NELL1: variants seen among roughly 807,000 people sequenced by gnomAD.
NELL1 encodes the protein protein kinase C-binding protein NELL1.
A neutral mutation model predicts 107.4 loss-of-function variants in NELL1; 76 were observed. That is an observed-to-expected ratio of 0.71 (90% CI 0.59 to 0.86). The LOEUF (loss-of-function observed/expected upper bound fraction) is 0.86. NELL1 is among the 40% of genes least tolerant of loss of function. NELL1 has a pLI of 0.00. For missense variants in NELL1, 1,024 were observed against 1,005.5 expected (o/e 1.02, Z -0.25); for synonymous variants, 353 against 341.2 (o/e 1.03, Z -0.38).
At chr11:21,253,138 T>C (rs1858681777) in intron 14 of NELL1, among the ~76,000 whole-genome samples, 1 of 152,104 alleles carries the variant, frequency 6.6e-6, no homozygotes, top group African/African-American at 2.4e-5. Flanking sequence ...TTAGGGATCA[T>C]CTCTCCTATT....
chr11:21,278,235 A>G (rs1848915241), intron 14 of NELL1, among the ~76,000 whole-genome samples: 1 of 152,210 alleles, frequency 6.6e-6, no homozygotes, highest in Non-Finnish European at 1.5e-5. Context: ...GAAGAAGGCA[A>G]GTATATCCCC....
intron 14 of NELL1, among the ~76,000 whole-genome samples, chr11:21,355,920 G>C (rs1020069431): frequency 2.0e-5 from 3 of 151,980 alleles, no homozygotes; most frequent in African/African-American, 7.2e-5. Context: ...TCATTCCTTG[G>C]GGCCTTTGCA....
intron 2 of NELL1, among the ~76,000 whole-genome samples, chr11:20,731,113 A>G (rs1286004468): frequency 6.6e-6 from 1 of 152,106 alleles, no homozygotes; most frequent in Non-Finnish European, 1.5e-5. Flanking sequence ...CAGCTCCAAA[A>G]GGGGCATTTG....
At chr11:21,284,520 C>T (rs1278623244) in intron 14 of NELL1, 8 of 459,494 alleles carry the variant, frequency 1.7e-5, no homozygotes, top group Non-Finnish European at 3.5e-5. Context: ...CCGCTATCCT[C>T]AGCTCACCTT....
At chr11:20,878,089 G>A (rs576941760) in intron 4 of NELL1, among the ~76,000 whole-genome samples, 22 of 152,156 alleles carry the variant, frequency 1.4e-4, no homozygotes, top group African/African-American at 4.1e-4. Context: ...GGCCGGGCGC[G>A]GTGGCTCACA....
In NELL1 at chr11:21,163,658, G is replaced by A. The variant is rs1016170664; in HGVS notation, c.1426+49944G>A. On this transcript the variant is annotated intron_variant, in intron 13 of 19. Coordinates refer to ENST00000357134, the MANE Select transcript of NELL1 (RefSeq NM_006157.5). Reference sequence around the variant, plus strand: ...AAATTTATTTCTCATAGTTCTGGGGGTCAGGAAGTCCATGATAAAGCTGCC... The same window carrying A: ...AAATTTATTTCTCATAGTTCTGGGGATCAGGAAGTCCATGATAAAGCTGCC... Among the ~76,000 whole-genome samples, 9 of 152,258 alleles carry A rather than the reference G, an allele frequency of 5.9e-5. No individual in the cohort carries two copies. The East Asian group carries it at 1.5e-3, about 26-fold the overall frequency.
chr11:21,447,880 G>A (rs1853474668), intron 15 of NELL1, among the ~76,000 whole-genome samples: 1 of 152,144 alleles, frequency 6.6e-6, no homozygotes, highest in Non-Finnish European at 1.5e-5. Context: ...ACTGTAGCCT[G>A]CAGTGCCAGT....
intron 2 of NELL1, among the ~76,000 whole-genome samples, chr11:20,748,915 TCCA>T (rs1564891836): frequency 2.4e-5 from 3 of 123,862 alleles, no homozygotes; most frequent in Non-Finnish European, 5.2e-5. Flanking sequence ...CAGCCACCCA[TCCA>T]TCCATCCATC....
intron 14 of NELL1, among the ~76,000 whole-genome samples, chr11:21,326,083 G>GTTTTT (rs1850132086): frequency 1.5e-4 from 1 of 6,624 alleles, no homozygotes; most frequent in South Asian, 4.3e-3. Context: ...TTTTTTTTTG[G>GTTTTT]GCTATTTTGA....
chr11:20,923,734 C>A (rs981228916), intron 7 of NELL1, among the ~76,000 whole-genome samples: 1 of 152,226 alleles, frequency 6.6e-6, no homozygotes, highest in African/African-American at 2.4e-5. Context: ...GTATGCAAAT[C>A]AAGCGACACT....
chr11:20,690,759 G>A lies in NELL1; in HGVS notation c.184+12699G>A, dbSNP rs369889786. ...TCTTTTGGCTTAGGATTGACTTGGC[G>A]ATGTGGGCTCTTTTTTGGTTCCATA... On this transcript the variant is annotated intron_variant, in intron 2 of 19. Transcript: ENST00000357134. Among the ~76,000 whole-genome samples, 850 of 150,748 alleles carry A rather than the reference G, an allele frequency of 5.6e-3. 4 individuals are homozygous for A. Among genetic ancestry groups the A allele is most frequent in the Non-Finnish European group, 8.5e-3 (574 of 67,654 alleles).
chr11:20,880,144 T>C (rs999218967), intron 4 of NELL1, among the ~76,000 whole-genome samples: 4 of 152,236 alleles, frequency 2.6e-5, no homozygotes, highest in African/African-American at 7.2e-5. Context: ...AGTTCTTGCA[T>C]TGTAACATTG....
chr11:21,023,462 G>A (rs376879364), intron 12 of NELL1, among the ~76,000 whole-genome samples: 1 of 151,924 alleles, frequency 6.6e-6, no homozygotes, highest in Non-Finnish European at 1.5e-5. Context: ...ACTGGGTAGC[G>A]GCAATATGAC....
At chr11:20,829,814 T>C (rs941149370) in intron 3 of NELL1, among the ~76,000 whole-genome samples, 3 of 152,102 alleles carry the variant, frequency 2.0e-5, no homozygotes, top group Admixed American at 1.3e-4. Context: ...AAGGATACCA[T>C]AGAAATGATG....
chr11:20,922,318 A>T (rs1248940141), intron 7 of NELL1, among the ~76,000 whole-genome samples: 1 of 151,928 alleles, frequency 6.6e-6, no homozygotes, highest in East Asian at 1.9e-4. Context: ...GGCCTCTGTG[A>T]CTTTGTTTCT....
intron 11 of NELL1, among the ~76,000 whole-genome samples, chr11:20,952,040 C>T (rs1381013375): frequency 8.0e-6 from 1 of 125,734 alleles, no homozygotes; most frequent in East Asian, 2.1e-4. Context: ...ATTTCTGGTG[C>T]TCTCAGTTAA....
chr11:21,230,860 C>T (rs60472793), intron 14 of NELL1, among the ~76,000 whole-genome samples: 6,983 of 151,926 alleles, frequency 0.046, 495 homozygotes, highest in African/African-American at 0.16. Flanking sequence ...ATTCAAAGTA[C>T]GTATTCTACT....
intron 12 of NELL1, among the ~76,000 whole-genome samples, chr11:21,059,175 T>C (rs1349944441): frequency 2.6e-5 from 4 of 152,142 alleles, no homozygotes; most frequent in African/African-American, 7.2e-5. Context: ...TTCACCTTTT[T>C]TATGGCAGTT....
chr11:21,278,271 T>C (rs938675937), intron 14 of NELL1, among the ~76,000 whole-genome samples: 4 of 152,166 alleles, frequency 2.6e-5, no homozygotes, highest in African/African-American at 7.2e-5. Flanking sequence ...TTTCTTAGCA[T>C]AGTATTCTAA....
Sources: gnomAD v4.1 joint callset for allele counts (sites outside exome capture counted in the v4.1 genomes callset) on GRCh38, gnomAD v4.1.1 for gene constraint, MANE v1.5 for transcripts, NCBI Gene and HGNC (gene_info 2026-07-23, HGNC 2026-07-21) for gene names.